Variants in PCSK1 observed in about 807,000 individuals in gnomAD.
PCSK1 encodes proprotein convertase subtilisin/kexin type 1, also known as neuroendocrine convertase 1.
Under a neutral mutation model 90.6 loss-of-function variants are expected in PCSK1, and 56 were observed. The observed-to-expected ratio is 0.62, with a 90% confidence interval of 0.50 to 0.77. The LOEUF is 0.77. Ranked by LOEUF, PCSK1 falls within the 30% of genes least tolerant of loss-of-function variation. The pLI, the probability that PCSK1 is intolerant of heterozygous loss-of-function variation, is 0.00. For missense variants in PCSK1, 801 were observed against 932.6 expected, an observed-to-expected ratio of 0.86 and a Z score of 1.84; for synonymous variants, 348 against 342.4, an observed-to-expected ratio of 1.02 and a Z score of -0.18.
chr5:96,421,349 A>G (rs1761122983), intron 5 of PCSK1, among the ~76,000 whole-genome samples: 1 of 151,982 alleles, frequency 6.6e-6, no homozygotes, highest in Non-Finnish European at 1.5e-5. Context: ...CGGCTGGCTC[A>G]ATGCCCTGGA....
At chr5:96,425,060 GAA>G (rs1436376720) in intron 3 of PCSK1, among the ~76,000 whole-genome samples, 11 of 126,498 alleles carry the variant, frequency 8.7e-5, no homozygotes, top group Non-Finnish European at 1.9e-4. Context: ...AAGAAAGAAA[GAA>G]AGAAAGAAAG....
Position 96,390,503 on chromosome 5 carries a change from A to T in PCSK1, c.*2498T>A, listed in dbSNP as rs1759904532. 6.6e-6 allele frequency: 1 copy of T among 152,550 alleles called. No homozygotes were observed. The highest frequency in any genetic ancestry group is 2.4e-5 in the African/African-American group (1 of 41,476). 9.4% of individuals were successfully genotyped at this position (152,550 alleles called of 1,614,324 possible). On this transcript the variant is annotated 3_prime_UTR_variant, in exon 14 of 14. Transcript: ENST00000311106. ...GTTAAACTCAGCTACATGTTGTATT[A>T]GGCTATTAGACAAATGTCACTTTTA...
At chr5:96,413,402 C>T (rs1760835781) in intron 6 of PCSK1, among the ~76,000 whole-genome samples, 3 of 152,180 alleles carry the variant, frequency 2.0e-5, no homozygotes, top group Non-Finnish European at 4.4e-5. Context: ...CAATAAAGTG[C>T]ACAGCCTTAG....
chr5:96,433,155 G>T lies in PCSK1; in HGVS notation c.-113C>A. The T allele has an allele frequency of 1.0e-6, 1 of 983,918 alleles. No homozygotes were observed. The highest frequency in any genetic ancestry group is 1.6e-6 in the Non-Finnish European group (1 of 622,372). 60.9% of individuals were successfully genotyped at this position (983,918 alleles called of 1,614,324 possible). A position where few individuals can be genotyped will look rare whatever the true frequency, so the allele number is the denominator to read the frequency against. ...ACCCTCGGGCTCTAGACCACTCCTG[G>T]CTCCTGGTTGCTCTGCGAAGAGCTA... On this transcript the variant is annotated 5_prime_UTR_variant, in exon 1 of 14. Coordinates refer to ENST00000311106, the MANE Select transcript of PCSK1 (RefSeq NM_000439.5).
Position 96,425,971 on chromosome 5 carries a change from T to A in PCSK1, c.286-41A>T, listed in dbSNP as rs753457597. On this transcript the variant is annotated intron_variant, in intron 2 of 13. Coordinates refer to ENST00000311106, the MANE Select transcript of PCSK1 (RefSeq NM_000439.5). ...TAGCAAGAAAATCAAAAGTCAAATA[T>A]CTACCTCTGTATACTTCCTCTAACT... is the stretch of plus-strand genomic sequence containing the variant. 4.4e-6 allele frequency: 5 copies of A among 1,123,810 alleles called. No individual in the cohort carries two copies. In the South Asian group the frequency reaches 6.2e-5, roughly 14 times the overall value. The allele number at this position is 1,123,810 out of a possible 1,614,324, so 69.6% of individuals were successfully genotyped here.
intron 9 of PCSK1, among the ~76,000 whole-genome samples, chr5:96,405,961 T>G (rs1013034207): frequency 1.3e-5 from 2 of 152,184 alleles, no homozygotes; most frequent in Admixed American, 6.5e-5. Context: ...AACAGCTCCC[T>G]GGGGTAGTAG....
chr5:96,409,708 G>A (rs1258160698), intron 8 of PCSK1, among the ~76,000 whole-genome samples: 5 of 152,184 alleles, frequency 3.3e-5, no homozygotes, highest in African/African-American at 1.2e-4. Flanking sequence ...GACAAGTGGG[G>A]CAGATGTCTG....
chr5:96,404,589 A>C (rs1760492977), intron 9 of PCSK1, among the ~76,000 whole-genome samples: 1 of 152,064 alleles, frequency 6.6e-6, no homozygotes, highest in South Asian at 2.1e-4. Flanking sequence ...CTTATAAGAA[A>C]CTCATAAATG....
intron 2 of PCSK1, 27 bp downstream of exon 2, chr5:96,429,186 G>T: frequency 8.9e-7 from 1 of 1,128,562 alleles, no homozygotes; most frequent in Non-Finnish European, 1.4e-6. Flanking sequence ...TAGAGTATTG[G>T]TTTGAAGACA....
rs763973412 is a variant in PCSK1, at chr5:96,432,967, T to C, written c.76A>G (p.Lys26Glu). ...TCATTGACAAATTGCCTTTTCGCTT[T>C]TGCACTGTTCAGTGCACACCAAGCG... ...FCAWCALNSA[K>E]AKRQFVNEWA... The change falls in exon 1 of 14, where the codon AAA becomes GAA. Residue 26 changes from lysine (K) to glutamate (E), a missense_variant. By Grantham distance (56) the Lys-to-Glu change is moderately conservative (BLOSUM62 1). Coordinates refer to ENST00000311106, the MANE Select transcript of PCSK1 (RefSeq NM_000439.5). 2.8e-5 allele frequency: 45 copies of C among 1,614,020 alleles called. No homozygotes were observed. The highest frequency in any genetic ancestry group is 3.6e-5 in the Non-Finnish European group (43 of 1,179,982).
In PCSK1 at chr5:96,426,057, G is replaced by T. The variant is rs932479440; in HGVS notation, c.286-127C>A. ...TCTGCAATATTTTCATTTGACTACA[G>T]ATTAAACTGGCACCTCAGTGAGAAG... On this transcript the variant is annotated intron_variant, in intron 2 of 13. Transcript: ENST00000311106. The T allele has an allele frequency of 1.4e-4, 100 of 693,198 alleles. No homozygotes were observed. In the African/African-American group the frequency reaches 1.6e-3, roughly 11 times the overall value. The allele number at this position is 693,198 out of a possible 1,614,324, so 42.9% of individuals were successfully genotyped here.
chr5:96,397,278 G>C, intron 12 of PCSK1, 58 bp downstream of exon 12: 1 of 1,475,558 alleles, frequency 6.8e-7, no homozygotes, highest in Non-Finnish European at 9.5e-7. Flanking sequence ...AACCTTAAAA[G>C]TGCTTCAAAA....
chr5:96,395,065 A>G, intron 12 of PCSK1, 40 bp from the exon 13 acceptor site: 1 of 1,476,984 alleles, frequency 6.8e-7, no homozygotes, highest in Non-Finnish European at 9.5e-7. Context: ...TGTGTTTTAG[A>G]TAATATAAAA....
chr5:96,415,845 A>G lies in PCSK1; in HGVS notation c.709+188T>C, dbSNP rs10515237. Reference sequence around the variant, plus strand: ...AAAGATGTATAGGCTATATTCAACTATCCATTTTCTAGGAATCCATATCTA... The same window carrying G: ...AAAGATGTATAGGCTATATTCAACTGTCCATTTTCTAGGAATCCATATCTA... On this transcript the variant is annotated intron_variant, in intron 6 of 13. Coordinates refer to ENST00000311106, the MANE Select transcript of PCSK1 (RefSeq NM_000439.5). Among the ~76,000 whole-genome samples the G allele has an allele frequency of 0.28, 42,180 of 151,906 alleles. 5,938 individuals are homozygous for G. Among genetic ancestry groups the G allele is most frequent in the South Asian group, 0.3 (1,444 of 4,824 alleles).
At chr5:96,394,600 T>A (rs1760065529) in intron 13 of PCSK1, among the ~76,000 whole-genome samples, 1 of 152,240 alleles carries the variant, frequency 6.6e-6, no homozygotes, top group African/African-American at 2.4e-5. Flanking sequence ...TTTCCATTTG[T>A]TATCTGTCAT....
intron 13 of PCSK1, among the ~76,000 whole-genome samples, chr5:96,394,160 A>T (rs1249724590): frequency 1.3e-5 from 2 of 152,212 alleles, no homozygotes; most frequent in Non-Finnish European, 2.9e-5. Flanking sequence ...TATTCAGAGC[A>T]GGGCGTTCTG....
At chr5:96,426,554 A>G (rs1761314091) in intron 2 of PCSK1, among the ~76,000 whole-genome samples, 1 of 152,206 alleles carries the variant, frequency 6.6e-6, no homozygotes, top group South Asian at 2.1e-4. Context: ...AGTCTCATGT[A>G]TTATGCAAAG....
intron 8 of PCSK1, among the ~76,000 whole-genome samples, chr5:96,408,646 A>G (rs1760652378): frequency 6.6e-6 from 1 of 152,248 alleles, no homozygotes; most frequent in African/African-American, 2.4e-5. Flanking sequence ...AATCACTGTG[A>G]ATCATGCTGG....
intron 2 of PCSK1, among the ~76,000 whole-genome samples, chr5:96,427,188 A>G (rs1281347604): frequency 6.6e-6 from 1 of 152,208 alleles, no homozygotes; most frequent in Admixed American, 6.5e-5. Flanking sequence ...ATCAAAAAAG[A>G]GCAATAAAAT....
Sources: gnomAD v4.1 joint callset for allele counts (sites outside exome capture counted in the v4.1 genomes callset) on GRCh38, gnomAD v4.1.1 for gene constraint, MANE v1.5 for transcripts, NCBI Gene and HGNC (gene_info 2026-07-23, HGNC 2026-07-21) for gene names.